The following JAK1 variants were observed in gnomAD, a reference collection of about 807,000 sequenced individuals.
JAK1 encodes tyrosine-protein kinase JAK1.
JAK1 carries 16 observed loss-of-function variants against 136.6 expected under a neutral mutation model. The observed-to-expected ratio is 0.12, with a 90% CI of 0.08 to 0.18. The LOEUF is 0.18. Ranked by LOEUF, JAK1 falls within the 10% of genes least tolerant of loss-of-function variation. The probability of loss-of-function intolerance (pLI) is 1.00; values close to 1 mark genes in which losing one functional copy is unlikely to be tolerated. For missense variants in JAK1, 859 were observed against 1,450.1 expected (o/e 0.59, Z 6.62); for synonymous variants, 492 against 519.5 (o/e 0.95, Z 0.72).
rs961093377 is a variant in JAK1 at position 64,833,601 on chromosome 1, T to A, written c.*961A>T. On this transcript the variant is annotated 3_prime_UTR_variant, in exon 25 of 25. Transcript: ENST00000342505. ...CAAGTGTTGCACCACAGGGTGATGA[T>A]TGATGGTAAAAACAGGGATCAACCC... 6.9e-5 allele frequency: 16 copies of A among 233,002 alleles called. 1 individual carries two copies. The East Asian group carries it at 9.7e-4, about 14-fold the overall frequency. The allele number at this position is 233,002 out of a possible 1,614,324, so 14.4% of individuals were successfully genotyped here.
chr1:65,043,560 G>A (rs1339612673), intron 2 of JAK1, among the ~76,000 whole-genome samples: 1 of 152,032 alleles, frequency 6.6e-6, no homozygotes. Flanking sequence ...TTGAGACAAA[G>A]TCTTGCTCTG....
At chr1:64,858,660 A>G (rs559231047) in intron 9 of JAK1, among the ~76,000 whole-genome samples, 33 of 152,328 alleles carry the variant, frequency 2.2e-4, no homozygotes, top group African/African-American at 7.2e-4. Flanking sequence ...TGTGTGTGCT[A>G]AGAAAGCAGT....
chr1:65,034,484 C>G (rs1220113777), intron 2 of JAK1, among the ~76,000 whole-genome samples: 2 of 152,066 alleles, frequency 1.3e-5, no homozygotes, highest in African/African-American at 4.8e-5. Context: ...AGTGTCTAAT[C>G]CAAAAAGGTA....
At chr1:64,841,629 A>T in intron 17 of JAK1, 28 bp from the exon 18 acceptor site, 1 of 1,611,976 alleles carries the variant, frequency 6.2e-7, no homozygotes, top group Non-Finnish European at 8.5e-7. Context: ...ACATGGAAGA[A>T]ACCAAAGGAA....
At position 64,984,414 on chromosome 1, in the gene JAK1, G is replaced by A. The variant is rs761956188; in HGVS notation, c.-78+60066C>T. 7.9e-5 allele frequency among the ~76,000 whole-genome samples: 12 copies of A among 152,128 alleles called. No individual in the cohort carries two copies. The highest frequency in any genetic ancestry group is 3.3e-4 in the Admixed American group (5 of 15,264). On this transcript the variant is annotated intron_variant, in intron 2 of 25. Coordinates refer to the JAK1 transcript ENST00000671954. This position sits in a 1 kb window ranked among gnomAD's most constrained non-coding sequence, Gnocchi z 4.1. ...GGTAGGTTCACTTGGTCTCTCCTAC[G>A]CAGAAGAGAATGTCCAAGAAATGAA... is the stretch of plus-strand genomic sequence containing the variant.
intron 1 of JAK1, among the ~76,000 whole-genome samples, chr1:65,067,129 G>C (rs1648087626): frequency 6.6e-6 from 1 of 151,944 alleles, no homozygotes; most frequent in African/African-American, 2.4e-5. Context: ...CGGTCCCGGA[G>C]TGCGGAGGCC....
intron 1 of JAK1, among the ~76,000 whole-genome samples, chr1:64,938,355 A>G (rs966114163): frequency 6.6e-6 from 1 of 152,188 alleles, no homozygotes; most frequent in Non-Finnish European, 1.5e-5. Context: ...TGCCCCAGTA[A>G]TAACAGGATA....
Position 64,844,290 on chromosome 1 carries a change from G to T in JAK1, c.2252-75C>A. ...GATTCAATTACTGTCACTGCAGCCA[G>T]AACAGTGAGCCAATGAAGGAACTAC... On this transcript the variant is annotated intron_variant, in intron 16 of 24. Transcript: ENST00000342505. This position sits in a 1 kb window ranked among gnomAD's most constrained non-coding sequence, Gnocchi z 5.7. 1 of 1,559,296 alleles carries T rather than the reference G, an allele frequency of 6.4e-7. No individual in the cohort carries two copies. Among genetic ancestry groups the T allele is most frequent in the South Asian group, 1.1e-5 (1 of 89,520 alleles).
chr1:64,991,697 TA>T (rs1388713250), intron 2 of JAK1: 1 of 152,192 alleles, frequency 6.6e-6, no homozygotes, highest in African/African-American at 2.4e-5. Flanking sequence ...CCAAAGAATC[TA>T]CAAGAAACCT....
At chr1:65,059,325 A>G (rs1243117543) in intron 1 of JAK1, among the ~76,000 whole-genome samples, 1 of 152,158 alleles carries the variant, frequency 6.6e-6, no homozygotes, top group African/African-American at 2.4e-5. Context: ...ATTTCTAAAA[A>G]CATTTACTTT....
In JAK1 at chr1:65,052,589, G is replaced by A. The variant is rs1036346202; in HGVS notation, c.-180-8007C>T. 4.6e-5 allele frequency among the ~76,000 whole-genome samples: 7 copies of A among 151,892 alleles called. No individual in the cohort carries two copies. In the East Asian group the frequency reaches 5.9e-4, roughly 13 times the overall value. On this transcript the variant is annotated intron_variant, in intron 1 of 25. Coordinates refer to the JAK1 transcript ENST00000671954. Reference sequence around the variant, plus strand: ...GCACCTTTGGGAGGCCGAGGCGGGCGGATCACGAGGTCAGGAGATCGAGAC... The same window carrying A: ...GCACCTTTGGGAGGCCGAGGCGGGCAGATCACGAGGTCAGGAGATCGAGAC...
chr1:64,841,022 G>A (rs964697113), intron 19 of JAK1, among the ~76,000 whole-genome samples: 6 of 152,156 alleles, frequency 3.9e-5, no homozygotes, highest in African/African-American at 1.2e-4. Flanking sequence ...ATACACAGTC[G>A]TGCATGCAGG....
At chr1:64,939,584 C>A (rs1645851793) in intron 1 of JAK1, among the ~76,000 whole-genome samples, 1 of 152,056 alleles carries the variant, frequency 6.6e-6, no homozygotes, top group Admixed American at 6.5e-5. Flanking sequence ...AGGGATAATA[C>A]CATGTAACAC....
chr1:65,062,577 A>T (rs1177599464), intron 1 of JAK1, among the ~76,000 whole-genome samples: 1 of 152,200 alleles, frequency 6.6e-6, no homozygotes, highest in Non-Finnish European at 1.5e-5. Context: ...ACTTCCCTGC[A>T]GGTTCCACCC....
At chr1:64,939,845 TCCC>T (rs1168129264) in intron 1 of JAK1, among the ~76,000 whole-genome samples, 1 of 152,168 alleles carries the variant, frequency 6.6e-6, no homozygotes, top group Non-Finnish European at 1.5e-5. Flanking sequence ...AGACTGTGTA[TCCC>T]CCAACTGGGT....
intron 1 of JAK1, among the ~76,000 whole-genome samples, chr1:64,949,288 C>T (rs1332061763): frequency 6.6e-6 from 1 of 152,220 alleles, no homozygotes; most frequent in Non-Finnish European, 1.5e-5. Context: ...AAGGGCAATA[C>T]ATCACTGTCT....
chr1:64,914,331 C>T (rs1359354541), intron 1 of JAK1, among the ~76,000 whole-genome samples: 1 of 152,080 alleles, frequency 6.6e-6, no homozygotes, highest in Non-Finnish European at 1.5e-5. Flanking sequence ...AAGAGAATGA[C>T]CATAGATGCT....
intron 1 of JAK1, chr1:64,942,465 T>C (rs1046737481): frequency 6.6e-6 from 1 of 152,224 alleles, no homozygotes; most frequent in Non-Finnish European, 1.5e-5. Context: ...GCAGACTTGA[T>C]GCTAGGTTAT....
chr1:64,982,589 C>T (rs922265562), intron 2 of JAK1, among the ~76,000 whole-genome samples: 1 of 152,174 alleles, frequency 6.6e-6, no homozygotes, highest in Non-Finnish European at 1.5e-5. Flanking sequence ...GAACCACTCT[C>T]CCCAGTCCCT....
Sources: gnomAD v4.1 joint callset for allele counts (sites outside exome capture counted in the v4.1 genomes callset) on GRCh38, gnomAD v4.1.1 for gene constraint, Gnocchi (gnomAD v3.1) non-coding constraint, MANE v1.5 for transcripts, NCBI Gene and HGNC (gene_info 2026-07-23, HGNC 2026-07-21) for gene names.